The following LRFN2 variants were observed in gnomAD, a reference collection of about 807,000 sequenced individuals.
The protein encoded by LRFN2 is leucine rich repeat and fibronectin type III domain containing 2.
LRFN2 carries 18 observed loss-of-function variants against 37.3 expected under a neutral mutation model. The ratio of observed to expected loss-of-function variants is 0.48; its 90% CI spans 0.33 to 0.72. The LOEUF is 0.72. Among genes scored for constraint, LRFN2 ranks in the 30% least tolerant of loss-of-function variants. The probability of loss-of-function intolerance (pLI) is 0.02; values close to 1 mark genes in which losing one functional copy is unlikely to be tolerated. For synonymous variants in LRFN2, 556 were observed against 466.6 expected, an observed-to-expected ratio of 1.19 and a Z score of -2.47; for missense variants, 1,006 against 1,060.7, an observed-to-expected ratio of 0.95 and a Z score of 0.72.
chr6:40,461,268 G>A (rs941579920), intron 1 of LRFN2, among the ~76,000 whole-genome samples: 9 of 151,942 alleles, frequency 5.9e-5, no homozygotes, highest in Non-Finnish European at 1.0e-4. Context: ...CATTAGTCGG[G>A]CATGGTAGTC....
chr6:40,535,840 A>G (rs899163736), intron 1 of LRFN2, among the ~76,000 whole-genome samples: 2 of 152,086 alleles, frequency 1.3e-5, no homozygotes, highest in Admixed American at 1.3e-4. Context: ...AGGTCAGCCA[A>G]AGCTTCCTTT....
intron 1 of LRFN2, among the ~76,000 whole-genome samples, chr6:40,486,669 T>G (rs1433731): frequency 0.24 from 36,309 of 151,940 alleles, 5,810 homozygotes; most frequent in African/African-American, 0.45. Flanking sequence ...GGAAAAGGGA[T>G]TTACGCAGTG....
At chr6:40,460,314 C>G (rs550643361) in intron 1 of LRFN2, among the ~76,000 whole-genome samples, 4 of 152,210 alleles carry the variant, frequency 2.6e-5, no homozygotes, top group Non-Finnish European at 4.4e-5. Context: ...GCTGTAGACT[C>G]TTCCCCAGTC....
intron 1 of LRFN2, among the ~76,000 whole-genome samples, chr6:40,472,790 T>C (rs1191466518): frequency 6.6e-6 from 1 of 152,158 alleles, no homozygotes; most frequent in African/African-American, 2.4e-5. Flanking sequence ...TCAGGCACCT[T>C]GGCAGGCTGA....
At chr6:40,570,434 A>G (rs1767166572) in intron 1 of LRFN2, among the ~76,000 whole-genome samples, 1 of 152,152 alleles carries the variant, frequency 6.6e-6, no homozygotes, top group Non-Finnish European at 1.5e-5. Context: ...CAGAGAGATA[A>G]AGCAACTTCC....
intron 1 of LRFN2, among the ~76,000 whole-genome samples, chr6:40,439,115 C>T (rs1440813215): frequency 1.3e-5 from 2 of 152,090 alleles, no homozygotes; most frequent in East Asian, 1.9e-4. Flanking sequence ...CTGTTCCAGA[C>T]AGAAGAGGCA....
At chr6:40,503,973 G>A (rs1581757088) in intron 1 of LRFN2, among the ~76,000 whole-genome samples, 2 of 150,130 alleles carry the variant, frequency 1.3e-5, no homozygotes, top group South Asian at 2.1e-4. Context: ...AAAAAAAAAA[G>A]AGGCAATTCT....
At chr6:40,490,051 C>T (rs1214560005) in intron 1 of LRFN2, among the ~76,000 whole-genome samples, 1 of 152,112 alleles carries the variant, frequency 6.6e-6, no homozygotes, top group Non-Finnish European at 1.5e-5. Flanking sequence ...AGCCCAGCAC[C>T]CAGAGATCAG....
At chr6:40,464,848 A>G (rs747383918) in intron 1 of LRFN2, among the ~76,000 whole-genome samples, 1 of 151,818 alleles carries the variant, frequency 6.6e-6, no homozygotes, top group Non-Finnish European at 1.5e-5. Flanking sequence ...TTTGGGTAGG[A>G]TGACTCTCAG....
intron 1 of LRFN2, chr6:40,517,291 A>G (rs896231134): frequency 2.2e-4 from 33 of 152,206 alleles, no homozygotes; most frequent in African/African-American, 7.7e-4. Context: ...AGTGAGAACT[A>G]CATTAGCCCT....
chr6:40,528,150 G>T (rs972410654), intron 1 of LRFN2, among the ~76,000 whole-genome samples: 4 of 152,200 alleles, frequency 2.6e-5, no homozygotes, highest in Non-Finnish European at 2.9e-5. Context: ...TTACAAAAGA[G>T]CTATCTTAAA....
intron 2 of LRFN2, among the ~76,000 whole-genome samples, chr6:40,405,679 G>A (rs1026165927): frequency 3.3e-5 from 5 of 152,172 alleles, no homozygotes; most frequent in African/African-American, 1.2e-4. Context: ...TGGGCTGGCA[G>A]GGAGGCATCT....
At chr6:40,505,105 T>C (rs1342204920) in intron 1 of LRFN2, among the ~76,000 whole-genome samples, 1 of 152,214 alleles carries the variant, frequency 6.6e-6, no homozygotes, top group Non-Finnish European at 1.5e-5. Flanking sequence ...GTGGGCTCTG[T>C]CTGCACGGGC....
At chr6:40,519,935 A>G (rs1397019162) in intron 1 of LRFN2, among the ~76,000 whole-genome samples, 1 of 152,226 alleles carries the variant, frequency 6.6e-6, no homozygotes. Flanking sequence ...AGAATTGCTC[A>G]GAGGAGAAGG....
chr6:40,398,971 TG>T (rs1762670987), intron 2 of LRFN2, among the ~76,000 whole-genome samples: 1 of 151,928 alleles, frequency 6.6e-6, no homozygotes. Flanking sequence ...CCTCTGCCTG[TG>T]GGGAACTACA....
At chr6:40,462,234 G>A (rs1561865510) in intron 1 of LRFN2, among the ~76,000 whole-genome samples, 1 of 152,206 alleles carries the variant, frequency 6.6e-6, no homozygotes. Flanking sequence ...CCCTGGCTTG[G>A]TCCAATGGCA....
At chr6:40,470,931 C>T (rs889102943) in intron 1 of LRFN2, among the ~76,000 whole-genome samples, 1 of 152,220 alleles carries the variant, frequency 6.6e-6, no homozygotes, top group Non-Finnish European at 1.5e-5. Context: ...CTGAGTTAAT[C>T]CCTCATCCTA....
At chr6:40,438,804 C>A (rs9369203) in intron 1 of LRFN2, among the ~76,000 whole-genome samples, 3,766 of 152,138 alleles carry the variant, frequency 0.025, 73 homozygotes, top group East Asian at 0.081. Context: ...CCTGTCAGGC[C>A]CTGATAATAG....
intron 2 of LRFN2, among the ~76,000 whole-genome samples, chr6:40,403,549 G>A (rs923230932): frequency 3.9e-5 from 6 of 152,192 alleles, no homozygotes; most frequent in Non-Finnish European, 8.8e-5. Flanking sequence ...GACTCTCAGT[G>A]AGTGAAGGGG....
Sources: allele counts gnomAD v4.1 joint callset (sites outside exome capture counted in the v4.1 genomes callset), GRCh38; gene constraint gnomAD v4.1.1; transcripts MANE v1.5; gene names NCBI Gene and HGNC (gene_info 2026-07-23, HGNC 2026-07-21).